ASAP1: variants seen among roughly 807,000 people sequenced by gnomAD.
ASAP1 encodes ArfGAP with SH3 domain, ankyrin repeat and PH domain 1, also known as arf-GAP with SH3 domain, ANK repeat and PH domain-containing protein 1.
Under a neutral mutation model 145.2 loss-of-function variants are expected in ASAP1, and 43 were observed. The observed-to-expected ratio is 0.30, with a 90% CI of 0.23 to 0.38. The LOEUF (loss-of-function observed/expected upper bound fraction) is 0.38. ASAP1 is among the 10% of genes least tolerant of loss of function. The probability of loss-of-function intolerance (pLI) is 1.00; values close to 1 mark genes in which losing one functional copy is unlikely to be tolerated. For missense variants in ASAP1, 1,018 were observed against 1,355.3 expected, an observed-to-expected ratio of 0.75 and a Z score of 3.91; for synonymous variants, 546 against 515.5, an observed-to-expected ratio of 1.06 and a Z score of -0.80.
intron 20 of ASAP1, 150 bp from the exon 21 acceptor site, chr8:130,117,145 A>T: frequency 1.7e-6 from 1 of 596,666 alleles, no homozygotes; most frequent in Non-Finnish European, 2.9e-6. Context: ...ACCTAGATTT[A>T]TAAGCAATAC....
intron 24 of ASAP1, among the ~76,000 whole-genome samples, chr8:130,110,168 G>GT (rs1448458594): frequency 6.6e-6 from 1 of 152,208 alleles, no homozygotes; most frequent in African/African-American, 2.4e-5. Context: ...ATGGGTTTCT[G>GT]TTGTCCCCCT....
chr8:130,247,139 G>A (rs1818899950), intron 3 of ASAP1: 1 of 152,114 alleles, frequency 6.6e-6, no homozygotes. Flanking sequence ...TGATACTAAA[G>A]GTACTGTTAA....
intron 2 of ASAP1, among the ~76,000 whole-genome samples, chr8:130,397,070 G>A (rs555059271): frequency 4.6e-5 from 7 of 152,242 alleles, no homozygotes; most frequent in African/African-American, 1.4e-4. Flanking sequence ...AGTTTTCCCA[G>A]GGATGACAAC....
chr8:130,332,238 T>C (rs537061772), intron 3 of ASAP1, among the ~76,000 whole-genome samples: 19 of 152,326 alleles, frequency 1.2e-4, no homozygotes, highest in Admixed American at 5.9e-4. Context: ...AATGAAGATG[T>C]TGAGTGCTTG....
intron 5 of ASAP1, among the ~76,000 whole-genome samples, chr8:130,190,556 C>A (rs370701705): frequency 6.6e-6 from 1 of 152,058 alleles, no homozygotes; most frequent in African/African-American, 2.4e-5. Context: ...CTCACTCTGT[C>A]GCCCAGGCTG....
At chr8:130,066,730 C>T (rs1416146438) in intron 27 of ASAP1, among the ~76,000 whole-genome samples, 3 of 152,150 alleles carry the variant, frequency 2.0e-5, no homozygotes, top group African/African-American at 7.2e-5. Flanking sequence ...AAGGCATGGG[C>T]AGTCATAGCA....
At chr8:130,059,354 C>T (rs541417505) in intron 28 of ASAP1, among the ~76,000 whole-genome samples, 14 of 152,082 alleles carry the variant, frequency 9.2e-5, no homozygotes, top group Admixed American at 2.6e-4. Context: ...TTTATAGAGA[C>T]GGTTTCTCTG....
intron 13 of ASAP1, among the ~76,000 whole-genome samples, chr8:130,141,784 C>G (rs534084222): frequency 1.3e-5 from 2 of 152,218 alleles, no homozygotes; most frequent in East Asian, 3.9e-4. Flanking sequence ...GTGGCACAAT[C>G]ATGGCTCACT....
chr8:130,415,720 G>A (rs7821366), intron 1 of ASAP1, among the ~76,000 whole-genome samples: 125,907 of 151,206 alleles, frequency 0.83, 53,995 homozygotes, highest in South Asian at 0.93. Flanking sequence ...CCCAGGAGGC[G>A]GAGGTTGCAG....
Position 130,276,261 on chromosome 8 carries a change from A to G in ASAP1, c.187-39267T>C, listed in dbSNP as rs148710015. ...GGCACTGGGCCGCTCCAGCTGTAAC[A>G]ATCTCTTCCATTTCCTCTAAGTTCA... is the stretch of plus-strand genomic sequence containing the variant. On this transcript the variant is annotated intron_variant, in intron 3 of 29. Coordinates refer to ENST00000518721, the MANE Select transcript of ASAP1 (RefSeq NM_018482.4). Among the ~76,000 whole-genome samples the G allele has an allele frequency of 9.7e-4, 147 of 152,296 alleles. 2 individuals carry two copies. The highest frequency in any genetic ancestry group is 3.3e-3 in the African/African-American group (138 of 41,564).
intron 25 of ASAP1, among the ~76,000 whole-genome samples, chr8:130,082,037 C>T (rs898345506): frequency 2.0e-5 from 3 of 152,176 alleles, no homozygotes; most frequent in African/African-American, 7.2e-5. Flanking sequence ...AGCCCTCTTC[C>T]AGGGTCTGTA....
chr8:130,177,663 T>C (rs765837523), intron 9 of ASAP1, among the ~76,000 whole-genome samples: 11 of 152,176 alleles, frequency 7.2e-5, no homozygotes, highest in Non-Finnish European at 1.3e-4. Flanking sequence ...ATTTTTATTT[T>C]TGAAAGACAC....
At chr8:130,385,951 A>G (rs1346479396) in intron 2 of ASAP1, among the ~76,000 whole-genome samples, 1 of 152,200 alleles carries the variant, frequency 6.6e-6, no homozygotes, top group Non-Finnish European at 1.5e-5. Flanking sequence ...ATCAGGTGAC[A>G]TGGGCTTGTC....
At chr8:130,214,865 C>G (rs1816800231) in intron 4 of ASAP1, among the ~76,000 whole-genome samples, 164 bp from the exon 5 acceptor site, 1 of 152,112 alleles carries the variant, frequency 6.6e-6, no homozygotes, top group African/African-American at 2.4e-5. Flanking sequence ...ACTAAATATT[C>G]TAACTCACTC....
At chr8:130,431,556 T>G (rs570858942) in intron 1 of ASAP1, among the ~76,000 whole-genome samples, 1 of 152,212 alleles carries the variant, frequency 6.6e-6, no homozygotes, top group Non-Finnish European at 1.5e-5. Context: ...TGGTTCCTAT[T>G]CGTTATTTAA....
intron 2 of ASAP1, among the ~76,000 whole-genome samples, chr8:130,397,754 A>G (rs1186602286): frequency 6.6e-6 from 1 of 152,206 alleles, no homozygotes; most frequent in Non-Finnish European, 1.5e-5. Flanking sequence ...CATCTGTGTT[A>G]TTTCAGCAGA....
At chr8:130,180,390 C>T (rs1420246917) in intron 8 of ASAP1, among the ~76,000 whole-genome samples, 1 of 152,164 alleles carries the variant, frequency 6.6e-6, no homozygotes, top group Non-Finnish European at 1.5e-5. Context: ...TTCATTCAAA[C>T]TGGACATATG....
intron 2 of ASAP1, among the ~76,000 whole-genome samples, chr8:130,380,195 C>T (rs781323120): frequency 1.3e-5 from 2 of 152,194 alleles, no homozygotes; most frequent in Non-Finnish European, 2.9e-5. Context: ...GGAAATAAAA[C>T]AGCGGCAGAA....
chr8:130,294,775 T>G (rs1046187323), intron 3 of ASAP1, among the ~76,000 whole-genome samples: 1 of 152,214 alleles, frequency 6.6e-6, no homozygotes, highest in Non-Finnish European at 1.5e-5. Flanking sequence ...CTAGCAGCCA[T>G]TTAAAGTCAC....
Sources: gnomAD v4.1 joint callset for allele counts (sites outside exome capture counted in the v4.1 genomes callset) on GRCh38, gnomAD v4.1.1 for gene constraint, MANE v1.5 for transcripts, NCBI Gene and HGNC (gene_info 2026-07-23, HGNC 2026-07-21) for gene names.